Variants in NLRP5 observed in about 807,000 individuals in gnomAD.
The protein encoded by NLRP5 is NACHT, LRR and PYD domains-containing protein 5.
Under a neutral mutation model 113.1 loss-of-function variants are expected in NLRP5, and 93 were observed. The observed-to-expected ratio is 0.82, with a 90% CI of 0.70 to 0.98. NLRP5 has a LOEUF of 0.98. Among genes scored for constraint, NLRP5 ranks in the 50% least tolerant of loss-of-function variants. The pLI is 0.00. For missense variants in NLRP5, 1,808 were observed against 1,514.3 expected (o/e 1.19, Z -3.22); for synonymous variants, 751 against 600.7 (o/e 1.25, Z -3.66).
chr19:56,050,332 G>T (rs1568501923), intron 11 of NLRP5, 86 bp from the exon 12 acceptor site: 52 of 1,287,616 alleles, frequency 4.0e-5, no homozygotes, highest in Non-Finnish European at 5.3e-5. Context: ...GAAGCAGACT[G>T]CAGCTGGGAG....
chr19:56,015,633 C>A lies in NLRP5; in HGVS notation c.509-109C>A, dbSNP rs146759761. ...CAGTGGTTCTGTGCTCTAAACTGGT[C>A]AGAAAATTAACTATGGCATGACTAA... On this transcript the variant is annotated intron_variant, in intron 3 of 14. Coordinates refer to ENST00000390649, the MANE Select transcript of NLRP5 (RefSeq NM_153447.4). 178 of 884,744 alleles carry A rather than the reference C, an allele frequency of 2.0e-4. 1 individual carries two copies. Among genetic ancestry groups the A allele is most frequent in the African/African-American group, 1.6e-3 (96 of 59,742 alleles). 54.8% of individuals were successfully genotyped at this position (884,744 alleles called of 1,614,324 possible).
At chr19:56,056,429 C>G (rs150712259) in intron 13 of NLRP5, among the ~76,000 whole-genome samples, 1 of 152,094 alleles carries the variant, frequency 6.6e-6, no homozygotes. Context: ...TGGTGGCGTA[C>G]GCCTGTAATC....
Position 56,028,440 on chromosome 19 carries a change from T to C in NLRP5, c.2207T>C (p.Ile736Thr). ...CAGCACTGTCCGTATTTGCGGAAAA[T>C]TCGGGTGGATGTCAAAGGGATCTTC... The change falls in exon 7 of 15, where the codon ATT becomes ACT. Residue 736 changes from isoleucine (I) to threonine (T), a missense_variant. Transcript: ENST00000390649. 6.2e-7 allele frequency: 1 copy of C among 1,613,860 alleles called. No individual in the cohort carries two copies. Among genetic ancestry groups the C allele is most frequent in the Non-Finnish European group, 8.5e-7 (1 of 1,179,884 alleles).
chr19:56,049,238 G>C (rs1163281683), intron 11 of NLRP5, among the ~76,000 whole-genome samples: 1 of 151,644 alleles, frequency 6.6e-6, no homozygotes, highest in Admixed American at 6.6e-5. Context: ...GGAGTGCAAT[G>C]GTGCAATCTC....
chr19:56,013,405 A>G (rs1002163118), intron 3 of NLRP5, among the ~76,000 whole-genome samples: 6 of 151,648 alleles, frequency 4.0e-5, no homozygotes, highest in South Asian at 2.1e-4. Flanking sequence ...TGTTAGCCAA[A>G]ATTGTCTCGA....
intron 2 of NLRP5, among the ~76,000 whole-genome samples, chr19:56,005,746 C>T (rs1028228521): frequency 2.0e-5 from 3 of 152,230 alleles, no homozygotes; most frequent in East Asian, 1.9e-4. Context: ...GGAAAAAAGG[C>T]CCAGTGTGGA....
chr19:56,031,627 CA>C (rs36019339), intron 7 of NLRP5, among the ~76,000 whole-genome samples: 36,793 of 113,008 alleles, frequency 0.33, 4,546 homozygotes, highest in East Asian at 0.52. Flanking sequence ...ACTCCGTCTC[CA>C]AAAAAAAAAA....
At chr19:56,021,907 C>A (rs1331341327) in intron 6 of NLRP5, among the ~76,000 whole-genome samples, 7 of 152,146 alleles carry the variant, frequency 4.6e-5, no homozygotes, top group Admixed American at 4.6e-4. Context: ...TCTCACCTTT[C>A]TTCTGGAACG....
chr19:56,010,949 C>T (rs1033221388), intron 3 of NLRP5, among the ~76,000 whole-genome samples: 3 of 151,696 alleles, frequency 2.0e-5, no homozygotes, highest in South Asian at 2.1e-4. Context: ...CCCAGGAGTT[C>T]GAGACCAACC....
At chr19:56,017,250 G>A (rs551309227) in intron 4 of NLRP5, among the ~76,000 whole-genome samples, 1 of 152,070 alleles carries the variant, frequency 6.6e-6, no homozygotes, top group Non-Finnish European at 1.5e-5. Flanking sequence ...AAACTGGTAG[G>A]TTTGTTTTCT....
At chr19:55,999,718 A>G, upstream of NLRP5, 1 of 1,606,842 alleles carries the variant, frequency 6.2e-7, no homozygotes, top group South Asian at 1.1e-5. Flanking sequence ...TTCCATGGCG[A>G]TGTTATCATG....
intron 9 of NLRP5, among the ~76,000 whole-genome samples, chr19:56,036,396 C>T (rs1238237303): frequency 2.6e-5 from 4 of 151,948 alleles, no homozygotes; most frequent in African/African-American, 7.3e-5. Flanking sequence ...ACGACAGATG[C>T]TTGATTCTGT....
At chr19:56,051,852 G>C (rs746487903) in intron 12 of NLRP5, among the ~76,000 whole-genome samples, 7 of 152,100 alleles carry the variant, frequency 4.6e-5, no homozygotes, top group Non-Finnish European at 8.8e-5. Context: ...AGAATTAATG[G>C]ACCACAAGTG....
chr19:56,032,260 G>A (rs531684906), intron 7 of NLRP5, among the ~76,000 whole-genome samples: 16 of 146,440 alleles, frequency 1.1e-4, no homozygotes, highest in African/African-American at 3.3e-4. Context: ...CAGGAGAATC[G>A]CTCGAACCCA....
chr19:55,996,161 A>C (rs1209626553), upstream of NLRP5, among the ~76,000 whole-genome samples: 1 of 152,126 alleles, frequency 6.6e-6, no homozygotes, highest in Non-Finnish European at 1.5e-5. Flanking sequence ...TCTGGCTAAG[A>C]CTTCCAGTAC....
intron 10 of NLRP5, among the ~76,000 whole-genome samples, chr19:56,039,879 A>G (rs1017222784): frequency 6.6e-6 from 1 of 151,914 alleles, no homozygotes; most frequent in Non-Finnish European, 1.5e-5. Context: ...ACGCCATTGC[A>G]CTCCAGCCTG....
rs201866649 is a variant in NLRP5 at position 56,006,742 on chromosome 19, A to AT, written c.443-2037dup. Among the ~76,000 whole-genome samples, 1,187 of 150,028 alleles carry AT rather than the reference A, an allele frequency of 7.9e-3. 21 individuals are homozygous for AT. The highest frequency in any genetic ancestry group is 0.028 in the African/African-American group (1,132 of 41,012). On this transcript the variant is annotated intron_variant, in intron 2 of 14. Coordinates refer to ENST00000390649, the MANE Select transcript of NLRP5 (RefSeq NM_153447.4). ...GCGAGACTCCGTATTTAAAATAAAA[A>AT]TTTTTTTTTGTTTTTGAGACGGAGT...
rs77863650 is a variant in NLRP5, at chr19:56,041,675, C to T, written c.2957+583C>T. ...TAAACAACACTATTGCAGCGGGGCG[C>T]GGTGGCTCACACCTGTAACCCCAGC... is the stretch of plus-strand genomic sequence containing the variant. On this transcript the variant is annotated intron_variant, in intron 11 of 14. Transcript: ENST00000390649. Among the ~76,000 whole-genome samples, 1,077 of 152,172 alleles carry T rather than the reference C, an allele frequency of 7.1e-3. 2 individuals carry two copies. The highest frequency in any genetic ancestry group is 0.027 in the Middle Eastern group (8 of 294).
intron 11 of NLRP5, among the ~76,000 whole-genome samples, chr19:56,044,427 G>T (rs574466233): frequency 1.1e-4 from 17 of 152,174 alleles, no homozygotes; most frequent in Admixed American, 1.1e-3. Flanking sequence ...TTCATTCTCC[G>T]ACATGTGGCT....
Sources: gnomAD v4.1 joint callset for allele counts (sites outside exome capture counted in the v4.1 genomes callset) on GRCh38, gnomAD v4.1.1 for gene constraint, MANE v1.5 for transcripts, NCBI Gene and HGNC (gene_info 2026-07-23, HGNC 2026-07-21) for gene names.